The following BMX variants were observed in gnomAD, a reference collection of about 807,000 sequenced individuals.
BMX encodes cytoplasmic tyrosine-protein kinase BMX.
A neutral mutation model predicts 59.2 loss-of-function variants in BMX; 31 were observed. That is an observed-to-expected ratio of 0.52 (90% CI 0.39 to 0.71). BMX has a LOEUF of 0.71. Ranked by LOEUF, BMX falls within the 30% of genes least tolerant of loss-of-function variation. BMX has a pLI of 0.00. For missense variants in BMX, 474 were observed against 491.7 expected (o/e 0.96, Z 0.34); for synonymous variants, 185 against 181.0 (o/e 1.02, Z -0.18).
At position 15,556,157 on chromosome X, in the gene BMX, T is replaced by C. The variant is rs760189104; in HGVS notation, c.*10T>C. The C allele has an allele frequency of 8.4e-6, 10 of 1,193,336 alleles. No homozygotes were observed. The highest frequency in any genetic ancestry group is 2.3e-4 in the Middle Eastern group (1 of 4,294). On this transcript the variant is annotated 3_prime_UTR_variant, in exon 19 of 19. Coordinates refer to ENST00000348343, the MANE Select transcript of BMX (RefSeq NM_203281.3). ...AAAAGACAAGCATTGAAGAAGAAAT[T>C]AGGAGTGCTGATAAGAATGAATATA...
At chrX:15,525,420 A>G (rs1056691067) in intron 8 of BMX, 55 bp downstream of exon 8, 16 of 1,073,475 alleles carry the variant, frequency 1.5e-5, no homozygotes, top group South Asian at 2.0e-5. Context: ...TTTTCAGGAA[A>G]ACTAACCAAA....
At chrX:15,543,003 A>G in intron 15 of BMX, 68 bp from the exon 16 acceptor site, 1 of 1,042,488 alleles carries the variant, frequency 9.6e-7, no homozygotes, top group Middle Eastern at 2.6e-4. Context: ...ATTCTACTCA[A>G]AAGGAGGAAA....
intron 18 of BMX, among the ~76,000 whole-genome samples, chrX:15,550,872 C>G (rs1337244171): frequency 9.0e-6 from 1 of 111,655 alleles, no homozygotes; most frequent in Non-Finnish European, 1.9e-5. Context: ...TGAGAGAAAG[C>G]AGCTTCTTGA....
chrX:15,538,410 T>A (rs1033898476), intron 14 of BMX, among the ~76,000 whole-genome samples: 1 of 111,532 alleles, frequency 9.0e-6, no homozygotes, highest in South Asian at 3.7e-4. Flanking sequence ...AGAGAATCAA[T>A]CAGTATGGTA....
intron 6 of BMX, among the ~76,000 whole-genome samples, chrX:15,521,030 G>GACAC (rs72034155): frequency 9.1e-6 from 1 of 110,333 alleles, no homozygotes; most frequent in African/African-American, 3.3e-5. Context: ...CGCACACACA[G>GACAC]ACACACACAC....
chrX:15,523,121 C>A (rs1924547156), intron 7 of BMX, among the ~76,000 whole-genome samples: 1 of 112,321 alleles, frequency 8.9e-6, no homozygotes, highest in Non-Finnish European at 1.9e-5. Flanking sequence ...ATGTATGTAT[C>A]TCTTGGTATG....
intron 14 of BMX, among the ~76,000 whole-genome samples, chrX:15,538,515 A>C (rs1360428977): frequency 1.8e-5 from 2 of 112,211 alleles, no homozygotes; most frequent in Non-Finnish European, 3.8e-5. Flanking sequence ...TTAAATTTTT[A>C]CTTAAACAGT....
chrX:15,543,414 T>C (rs978742266), intron 16 of BMX, among the ~76,000 whole-genome samples: 1 of 111,493 alleles, frequency 9.0e-6, no homozygotes, highest in Non-Finnish European at 1.9e-5. Context: ...TTTTACTTTC[T>C]TTTAAATTTT....
intron 7 of BMX, among the ~76,000 whole-genome samples, chrX:15,524,860 C>G (rs767220961): frequency 8.9e-6 from 1 of 112,159 alleles, no homozygotes; most frequent in East Asian, 2.8e-4. Flanking sequence ...CCTTATCCAT[C>G]TGTGTCCAGA....
At chrX:15,507,110 C>G (rs1923769864) in intron 1 of BMX, among the ~76,000 whole-genome samples, 1 of 112,836 alleles carries the variant, frequency 8.9e-6, no homozygotes, top group African/African-American at 3.2e-5. Flanking sequence ...CTTAGTCTCC[C>G]TTTCATTTCA....
At position 15,537,117 on chromosome X, in the gene BMX, C is replaced by A. The variant is rs1452952486; in HGVS notation, c.1223-17C>A. ...TTTCTATGCTCGTCCTAAAGAATGTCCGTCTTGCCTTGTTAGGAATCTGGG... is the reference window on the plus strand; with the variant it reads ...TTTCTATGCTCGTCCTAAAGAATGTACGTCTTGCCTTGTTAGGAATCTGGG... On this transcript the variant is annotated splice_polypyrimidine_tract_variant and intron_variant, in intron 13 of 18. Coordinates refer to ENST00000348343, the MANE Select transcript of BMX (RefSeq NM_203281.3). The A allele has an allele frequency of 8.3e-7, 1 of 1,209,394 alleles. No individual in the cohort carries two copies. The highest frequency in any genetic ancestry group is 1.8e-5 in the South Asian group (1 of 56,773).
chrX:15,526,731 G>A (rs147289024), intron 9 of BMX, among the ~76,000 whole-genome samples: 2,210 of 108,617 alleles, frequency 0.02, 54 homozygotes, highest in African/African-American at 0.07. Context: ...GATTACAGGC[G>A]CCTGCCACCA....
chrX:15,554,778 G>A (rs1455481115), intron 18 of BMX, among the ~76,000 whole-genome samples: 52 of 111,282 alleles, frequency 4.7e-4, no homozygotes, highest in South Asian at 3.7e-4. Flanking sequence ...CTATTCTGTT[G>A]TTGGCAGCCC....
chrX:15,513,260 T>C (rs1160845004), intron 4 of BMX, among the ~76,000 whole-genome samples: 1 of 112,401 alleles, frequency 8.9e-6, no homozygotes, highest in Non-Finnish European at 1.9e-5. Context: ...TTCTGCTCTG[T>C]TATCCTTAGA....
intron 11 of BMX, 137 bp from the exon 12 acceptor site, chrX:15,534,075 C>T (rs1479691938): frequency 3.4e-5 from 16 of 465,595 alleles, no homozygotes; most frequent in Non-Finnish European, 3.4e-5. Flanking sequence ...GAGAAAAACA[C>T]CAGATGCCAA....
At chrX:15,517,868 T>C (rs1924234237) in intron 5 of BMX, 61 bp from the exon 6 acceptor site, 2 of 965,739 alleles carry the variant, frequency 2.1e-6, no homozygotes, top group African/African-American at 3.8e-5. Flanking sequence ...TTCATAACAT[T>C]GAGTGTTTCT....
chrX:15,520,880 C>T (rs764315103), intron 6 of BMX, among the ~76,000 whole-genome samples: 6 of 111,118 alleles, frequency 5.4e-5, no homozygotes, highest in Admixed American at 1.9e-4. Flanking sequence ...ACATAACCCA[C>T]TTCACAGCTC....
Position 15,527,277 on chromosome X carries a change from T to C in BMX, c.884+1182T>C, listed in dbSNP as rs1158286255. 2.1e-3 allele frequency among the ~76,000 whole-genome samples: 104 copies of C among 49,419 alleles called. 1 individual carries two copies. The highest frequency in any genetic ancestry group is 0.01 in the East Asian group (12 of 1,169). The allele number at this position is 49,419 out of a possible 115,157, so 42.9% of individuals were successfully genotyped here. A position where few individuals can be genotyped will look rare whatever the true frequency, so the allele number is the denominator to read the frequency against. On this transcript the variant is annotated intron_variant, in intron 9 of 18. Transcript: ENST00000348343. ...ATATATATATATATATATATATATA[T>C]ATATATACACACACACACACACACA...
At chrX:15,548,815 G>GA (rs2147143567) in intron 17 of BMX, among the ~76,000 whole-genome samples, 1 of 111,815 alleles carries the variant, frequency 8.9e-6, no homozygotes, top group East Asian at 2.8e-4. Context: ...TGATTTAAAA[G>GA]AAAAAAGCAG....
Sources: gnomAD v4.1 joint callset for allele counts (sites outside exome capture counted in the v4.1 genomes callset) on GRCh38, gnomAD v4.1.1 for gene constraint, MANE v1.5 for transcripts, NCBI Gene and HGNC (gene_info 2026-07-23, HGNC 2026-07-21) for gene names.